Variants in NAALADL2 observed in about 807,000 individuals in gnomAD.
The protein encoded by NAALADL2 is N-acetylated alpha-linked acidic dipeptidase like 2.
In NAALADL2, 76 loss-of-function variants were observed where a neutral mutation model predicts 87.2. The ratio of observed to expected loss-of-function variants is 0.87; its 90% CI spans 0.72 to 1.05. The LOEUF is 1.05. Ranked by LOEUF, NAALADL2 falls within the 50% of genes least tolerant of loss-of-function variation. NAALADL2 has a pLI of 0.00. For synonymous variants in NAALADL2, 354 were observed against 331.0 expected (o/e 1.07, Z -0.75); for missense variants, 1,089 against 945.8 (o/e 1.15, Z -1.99).
intron 3 of NAALADL2, among the ~76,000 whole-genome samples, chr3:174,837,303 C>T (rs958589465): frequency 1.3e-5 from 2 of 152,026 alleles, no homozygotes; most frequent in East Asian, 1.9e-4. Context: ...AGAAATGAAA[C>T]GGTAGAGATT....
chr3:174,493,863 T>C (rs1718360166), intron 1 of NAALADL2, among the ~76,000 whole-genome samples: 1 of 152,182 alleles, frequency 6.6e-6, no homozygotes, highest in Non-Finnish European at 1.5e-5. Context: ...ATTCTAATGA[T>C]AGAGATGAAC....
Position 175,329,198 on chromosome 3 carries a change from A to C in NAALADL2, c.1090+4873A>C, listed in dbSNP as rs570407653. ...CATCCTGATTTAAAGCTTCGTATCT[A>C]TGTCCCTCTCTCTGTCTTTCTGCTA... is the stretch of plus-strand genomic sequence containing the variant. On this transcript the variant is annotated intron_variant, in intron 5 of 13. Transcript: ENST00000454872. Among the ~76,000 whole-genome samples, 26 of 152,278 alleles carry C rather than the reference A, an allele frequency of 1.7e-4. 1 individual carries two copies. In the South Asian group the frequency reaches 3.9e-3, roughly 23 times the overall value.
intron 1 of NAALADL2, among the ~76,000 whole-genome samples, chr3:174,492,138 C>T (rs781095672): frequency 5.3e-5 from 8 of 151,712 alleles, no homozygotes; most frequent in South Asian, 2.1e-4. Flanking sequence ...GGTGTGGTGG[C>T]GGGTGCCTGT....
chr3:174,607,125 T>A (rs1042341030), intron 2 of NAALADL2, among the ~76,000 whole-genome samples: 28 of 152,006 alleles, frequency 1.8e-4, no homozygotes, highest in Non-Finnish European at 1.5e-5. Flanking sequence ...CTGAGAGATT[T>A]TGTCACCACC....
chr3:175,716,754 T>G (rs1228302289), intron 11 of NAALADL2, among the ~76,000 whole-genome samples: 1 of 152,084 alleles, frequency 6.6e-6, no homozygotes, highest in Non-Finnish European at 1.5e-5. Context: ...AAGAGCAAAG[T>G]TATATGATCT....
intron 1 of NAALADL2, among the ~76,000 whole-genome samples, chr3:174,546,002 T>C (rs903918034): frequency 2.6e-5 from 4 of 151,644 alleles, no homozygotes; most frequent in African/African-American, 9.7e-5. Context: ...TCTGCTTGTT[T>C]TTTTTGGTCT....
chr3:175,139,155 C>A (rs1729614887), intron 2 of NAALADL2, among the ~76,000 whole-genome samples: 1 of 151,194 alleles, frequency 6.6e-6, no homozygotes, highest in Non-Finnish European at 1.5e-5. Context: ...TTTTTTTAAG[C>A]AAATATTTTG....
At chr3:174,528,845 G>T (rs967535258) in intron 1 of NAALADL2, among the ~76,000 whole-genome samples, 1 of 152,100 alleles carries the variant, frequency 6.6e-6, no homozygotes, top group Non-Finnish European at 1.5e-5. Flanking sequence ...GCATGGGAAA[G>T]ATTTGCCTGC....
intron 13 of NAALADL2, among the ~76,000 whole-genome samples, chr3:175,764,916 T>G (rs1748500625): frequency 1.3e-5 from 2 of 152,126 alleles, no homozygotes; most frequent in African/African-American, 4.8e-5. Flanking sequence ...CAAAAGGACC[T>G]CATGTTCCGT....
intron 10 of NAALADL2, among the ~76,000 whole-genome samples, chr3:175,581,797 G>C (rs984953861): frequency 3.3e-5 from 5 of 152,158 alleles, no homozygotes; most frequent in Non-Finnish European, 7.3e-5. Flanking sequence ...CCCACACTTA[G>C]AGGAATGCTT....
intron 2 of NAALADL2, among the ~76,000 whole-genome samples, chr3:174,714,074 T>G (rs1305853265): frequency 6.6e-6 from 1 of 152,228 alleles, no homozygotes; most frequent in Non-Finnish European, 1.5e-5. Context: ...TCCCCATTTC[T>G]TGTTTTTGTC....
Position 175,156,800 on chromosome 3 carries a change from G to A in NAALADL2, c.545+59509G>A, listed in dbSNP as rs563674335. On this transcript the variant is annotated intron_variant, in intron 2 of 13. Coordinates refer to ENST00000454872, the MANE Select transcript of NAALADL2 (RefSeq NM_207015.3). ...ATACAGCTGACCTACAGAAAAGTGG[G>A]GAAGAGGTACCTCTAGACCTATTGT... is the stretch of plus-strand genomic sequence containing the variant. Among the ~76,000 whole-genome samples, 122 of 152,014 alleles carry A rather than the reference G, an allele frequency of 8.0e-4. 1 individual carries two copies. Among genetic ancestry groups the A allele is most frequent in the African/African-American group, 2.8e-3 (116 of 41,482 alleles).
intron 4 of NAALADL2, among the ~76,000 whole-genome samples, chr3:175,318,221 C>A (rs1008906037): frequency 6.6e-6 from 1 of 151,942 alleles, no homozygotes; most frequent in Non-Finnish European, 1.5e-5. Context: ...TTATTTTGTA[C>A]TGATAAGCAA....
Position 174,948,247 on chromosome 3 carries a change from G to A in NAALADL2, c.43+88797G>A, listed in dbSNP as rs141740150. ...ACTGGAGTGCATTGGCTTGATCTCCGCTCACTGCAACTTCCACCTCCCGGG... is the reference window on the plus strand; with the variant it reads ...ACTGGAGTGCATTGGCTTGATCTCCACTCACTGCAACTTCCACCTCCCGGG... On this transcript the variant is annotated intron_variant, in intron 1 of 13. Transcript: ENST00000454872. 9.2e-5 allele frequency among the ~76,000 whole-genome samples: 14 copies of A among 152,022 alleles called. No homozygotes were observed. The East Asian group carries it at 1.5e-3, about 17-fold the overall frequency.
intron 1 of NAALADL2, among the ~76,000 whole-genome samples, chr3:174,922,232 C>T (rs1341970630): frequency 6.6e-6 from 1 of 150,916 alleles, no homozygotes; most frequent in Non-Finnish European, 1.5e-5. Flanking sequence ...ATTACTTGAA[C>T]CCAGAAGTTC....
chr3:175,058,982 T>C (rs527987376), intron 1 of NAALADL2, among the ~76,000 whole-genome samples: 4 of 152,318 alleles, frequency 2.6e-5, no homozygotes, highest in South Asian at 2.1e-4. Context: ...ATAATCCTCA[T>C]AGTGAATTTA....
intron 9 of NAALADL2, among the ~76,000 whole-genome samples, chr3:175,475,387 C>T (rs557421057): frequency 1.3e-5 from 2 of 152,202 alleles, no homozygotes; most frequent in South Asian, 4.1e-4. Flanking sequence ...AACACATATG[C>T]ACCTCTCCCT....
chr3:175,443,776 T>C (rs1720212421), intron 5 of NAALADL2, among the ~76,000 whole-genome samples: 1 of 152,202 alleles, frequency 6.6e-6, no homozygotes, highest in African/African-American at 2.4e-5. Context: ...TGGTCCTTGC[T>C]TTCAAGAATT....
Position 175,367,749 on chromosome 3 carries a change from T to A in NAALADL2, c.1090+43424T>A, listed in dbSNP as rs182472304. On this transcript the variant is annotated intron_variant, in intron 5 of 13. Coordinates refer to ENST00000454872, the MANE Select transcript of NAALADL2 (RefSeq NM_207015.3). The stretch of plus-strand genomic sequence containing the variant: ...GAAGTTGCTTATCAGCTTAAGGAGA[T>A]TTTGGGCTGAGACAATGGGGTTTTC... Among the ~76,000 whole-genome samples, 81 of 152,290 alleles carry A rather than the reference T, an allele frequency of 5.3e-4. 1 individual carries two copies. In the East Asian group the frequency reaches 0.015, roughly 29 times the overall value.
Sources: gnomAD v4.1 joint callset for allele counts (sites outside exome capture counted in the v4.1 genomes callset) on GRCh38, gnomAD v4.1.1 for gene constraint, MANE v1.5 for transcripts, NCBI Gene and HGNC (gene_info 2026-07-23, HGNC 2026-07-21) for gene names.